PIGU: variants seen among roughly 807,000 people sequenced by gnomAD.
The protein encoded by PIGU is phosphatidylinositol glycan anchor biosynthesis class U.
A neutral mutation model predicts 49.9 loss-of-function variants in PIGU; 24 were observed. The observed-to-expected ratio is 0.48, with a 90% CI of 0.35 to 0.68. PIGU has a LOEUF of 0.68. Among genes scored for constraint, PIGU ranks in the 30% least tolerant of loss-of-function variants. The pLI is 0.01. For synonymous variants in PIGU, 220 were observed against 205.7 expected (o/e 1.07, Z -0.59); for missense variants, 490 against 532.6 (o/e 0.92, Z 0.79).
chr20:34,571,945 G>C (rs1983030366), intron 11 of PIGU, among the ~76,000 whole-genome samples: 2 of 152,176 alleles, frequency 1.3e-5, no homozygotes, highest in Admixed American at 6.5e-5. Context: ...CCTGGCAGCA[G>C]CAGCAACAAA....
chr20:34,650,222 T>C (rs1221877402), intron 2 of PIGU, among the ~76,000 whole-genome samples: 2 of 152,110 alleles, frequency 1.3e-5, no homozygotes, highest in Non-Finnish European at 2.9e-5. Flanking sequence ...CCTGGTGAAA[T>C]TATTCTGTTA....
intron 7 of PIGU, among the ~76,000 whole-genome samples, chr20:34,602,418 G>A (rs1984459813): frequency 6.6e-6 from 1 of 151,624 alleles, no homozygotes; most frequent in South Asian, 2.1e-4. Flanking sequence ...CCAACATAGT[G>A]AATCCCTGTC....
At chr20:34,666,157 G>C (rs1358025195) in intron 1 of PIGU, among the ~76,000 whole-genome samples, 2 of 151,888 alleles carry the variant, frequency 1.3e-5, no homozygotes, top group Non-Finnish European at 2.9e-5. Flanking sequence ...CTGTACTCCA[G>C]CCCGGGCGAT....
chr20:34,670,017 A>G (rs1987256297), intron 1 of PIGU, among the ~76,000 whole-genome samples: 1 of 152,172 alleles, frequency 6.6e-6, no homozygotes, highest in South Asian at 2.1e-4. Context: ...TCAGGATAAT[A>G]GTTACTTATG....
At chr20:34,600,352 A>G (rs950812527) in intron 7 of PIGU, among the ~76,000 whole-genome samples, 1 of 152,058 alleles carries the variant, frequency 6.6e-6, no homozygotes, top group African/African-American at 2.4e-5. Flanking sequence ...GGTTGCAGTG[A>G]GCCGAGATCA....
chr20:34,673,470 A>C (rs372465511), intron 1 of PIGU, among the ~76,000 whole-genome samples: 2 of 152,120 alleles, frequency 1.3e-5, no homozygotes, highest in African/African-American at 4.8e-5. Flanking sequence ...GATCCAGATG[A>C]TGGGTGGTTA....
intron 6 of PIGU, among the ~76,000 whole-genome samples, chr20:34,617,086 G>A (rs577166600): frequency 6.6e-6 from 1 of 152,212 alleles, no homozygotes; most frequent in Non-Finnish European, 1.5e-5. Flanking sequence ...CTCCAGCCTG[G>A]GTGTCCAGGC....
At chr20:34,596,849 T>C (rs1396323973) in intron 7 of PIGU, among the ~76,000 whole-genome samples, 1 of 152,234 alleles carries the variant, frequency 6.6e-6, no homozygotes, top group East Asian at 1.9e-4. Context: ...GCTGTGTCAA[T>C]TGTTATTTTC....
At position 34,560,965 on chromosome 20, in the gene PIGU, A is replaced by AGAGAT; in HGVS notation, c.1204_1208dup (p.Asp404SerfsTer21). On this transcript the variant is annotated frameshift_variant, in exon 12 of 12. Transcript: ENST00000217446. LOFTEE classifies it high-confidence loss of function. ...GCCGCAGGAAGGCATAGAAGTAATC[A>AGAGAT]GAGATGAGCAGGATCTGGGGGGAGA... 6.2e-7 allele frequency: 1 copy of AGAGAT among 1,607,928 alleles called. No homozygotes were observed. The highest frequency in any genetic ancestry group is 1.1e-5 in the South Asian group (1 of 90,926).
intron 1 of PIGU, among the ~76,000 whole-genome samples, chr20:34,675,662 A>G (rs948351275): frequency 1.3e-5 from 2 of 152,194 alleles, no homozygotes; most frequent in Admixed American, 6.6e-5. Context: ...AACTCTATTC[A>G]TAAAACACCC....
Position 34,661,159 on chromosome 20 carries a change from A to T in PIGU, c.131-3915T>A, listed in dbSNP as rs549333812. 2.0e-5 allele frequency among the ~76,000 whole-genome samples: 3 copies of T among 152,238 alleles called. No individual in the cohort carries two copies. In the East Asian group the frequency reaches 5.8e-4, roughly 29 times the overall value. ...TAAAATATAATAGGTTTTTTTGGTG[A>T]TTTTTTTAAATGACTATTTTAGCAA... On this transcript the variant is annotated intron_variant, in intron 1 of 11. Transcript: ENST00000217446.
intron 4 of PIGU, among the ~76,000 whole-genome samples, chr20:34,642,804 C>A (rs1490963674): frequency 7.3e-6 from 1 of 136,652 alleles, no homozygotes; most frequent in Non-Finnish European, 1.5e-5. Flanking sequence ...GTTGCCCAGG[C>A]TGGAGTACAG....
chr20:34,626,968 C>T (rs1025180874), intron 6 of PIGU, among the ~76,000 whole-genome samples: 4 of 151,878 alleles, frequency 2.6e-5, no homozygotes, highest in Non-Finnish European at 5.9e-5. Flanking sequence ...AGAAATATAA[C>T]TTGCAGAAGT....
At chr20:34,598,493 T>C (rs1360732085) in intron 7 of PIGU, among the ~76,000 whole-genome samples, 3 of 152,230 alleles carry the variant, frequency 2.0e-5, no homozygotes, top group African/African-American at 7.2e-5. Context: ...TTTTACAATC[T>C]TGTGACAAAG....
chr20:34,665,620 G>A (rs1408664746), intron 1 of PIGU, among the ~76,000 whole-genome samples: 3 of 152,086 alleles, frequency 2.0e-5, no homozygotes, highest in African/African-American at 4.8e-5. Flanking sequence ...GATTACAGGC[G>A]GGAGCCACCA....
rs796668421 is a variant in PIGU at position 34,635,875 on chromosome 20, C to CA, written c.429-1161dup. Among the ~76,000 whole-genome samples the CA allele has an allele frequency of 5.6e-3, 762 of 134,900 alleles. 10 individuals carry two copies. Among genetic ancestry groups the CA allele is most frequent in the African/African-American group, 0.016 (603 of 36,684 alleles). The allele number at this position is 134,900 out of a possible 152,430, so 88.5% of individuals were successfully genotyped here. A position where few individuals can be genotyped will look rare whatever the true frequency, so the allele number is the denominator to read the frequency against. On this transcript the variant is annotated intron_variant, in intron 5 of 11. Transcript: ENST00000217446. The stretch of plus-strand genomic sequence containing the variant: ...GGGCAACAAGAGTGAAGCTCAGTCT[C>CA]AAAAAAAAAAAAGAACAGATAATAA...
chr20:34,588,667 G>C, intron 7 of PIGU, 60 bp from the exon 8 acceptor site: 2 of 1,505,406 alleles, frequency 1.3e-6, no homozygotes, highest in South Asian at 2.5e-5. Flanking sequence ...GCAGCTATTA[G>C]CTTACACTTA....
intron 6 of PIGU, 120 bp downstream of exon 6, chr20:34,634,495 T>G: frequency 3.0e-6 from 4 of 1,354,778 alleles, no homozygotes; most frequent in South Asian, 1.9e-5. Context: ...CTTGTGTAAT[T>G]TTTAAAAATG....
intron 11 of PIGU, among the ~76,000 whole-genome samples, chr20:34,572,458 C>T (rs1240740889): frequency 6.6e-6 from 1 of 151,992 alleles, no homozygotes; most frequent in East Asian, 2.0e-4. Context: ...ACCAGCCTAG[C>T]TAATGTGGTG....
Sources: allele counts gnomAD v4.1 joint callset (sites outside exome capture counted in the v4.1 genomes callset), GRCh38; gene constraint gnomAD v4.1.1; transcripts MANE v1.5; gene names NCBI Gene and HGNC (gene_info 2026-07-23, HGNC 2026-07-21).